Variants in TUBB8 observed in about 807,000 individuals in gnomAD.
TUBB8 encodes the protein tubulin beta 8 class VIII, also known as tubulin beta-8 chain.
A neutral mutation model predicts 33.7 loss-of-function variants in TUBB8; 25 were observed. That is an observed-to-expected ratio of 0.74 (90% CI 0.54 to 1.04). The LOEUF is 1.04. Among genes scored for constraint, TUBB8 ranks in the 50% least tolerant of loss-of-function variants. The probability of loss-of-function intolerance (pLI) is 0.00; values close to 1 mark genes in which losing one functional copy is unlikely to be tolerated. For synonymous variants in TUBB8, 245 were observed against 240.1 expected, an observed-to-expected ratio of 1.02 and a Z score of -0.19; for missense variants, 279 against 608.0, an observed-to-expected ratio of 0.46 and a Z score of 5.69.
intron 1 of TUBB8, among the ~76,000 whole-genome samples, chr10:59,011 G>C (rs1350595189): frequency 6.6e-6 from 1 of 152,106 alleles, no homozygotes; most frequent in African/African-American, 2.4e-5. Context: ...CCAGAGTTTA[G>C]AGGAAAGGCT....
At chr10:61,688 A>AT (rs1834603765) in intron 1 of TUBB8, among the ~76,000 whole-genome samples, 1 of 152,196 alleles carries the variant, frequency 6.6e-6, no homozygotes, top group African/African-American at 2.4e-5. Flanking sequence ...CCAATGACTA[A>AT]AGTAGGGTGT....
At chr10:65,553 T>C (rs1475326251) in intron 1 of TUBB8, among the ~76,000 whole-genome samples, 1 of 151,640 alleles carries the variant, frequency 6.6e-6, no homozygotes. Context: ...GGTGAAACCC[T>C]GTCTCTACTA....
intron 1 of TUBB8, among the ~76,000 whole-genome samples, chr10:72,897 C>T (rs35661986): frequency 0.062 from 9,381 of 151,376 alleles, 318 homozygotes; most frequent in Non-Finnish European, 0.081. Flanking sequence ...GAAAAGACAC[C>T]GCAGGGCCAT....
At chr10:53,318 G>C (rs1343830488), upstream of TUBB8, among the ~76,000 whole-genome samples, 3 of 152,078 alleles carry the variant, frequency 2.0e-5, no homozygotes, top group East Asian at 5.8e-4. Flanking sequence ...AGTAGAAATG[G>C]GGTTTCACTC....
At chr10:75,993 G>T (rs1159192373), upstream of TUBB8, among the ~76,000 whole-genome samples, 1 of 151,928 alleles carries the variant, frequency 6.6e-6, no homozygotes, top group Non-Finnish European at 1.5e-5. Context: ...GAAAAAATTA[G>T]CTGGGCGTGA....
intron 1 of TUBB8, among the ~76,000 whole-genome samples, chr10:69,865 T>C (rs192186000): frequency 0.03 from 3,400 of 114,700 alleles, no homozygotes; most frequent in African/African-American, 0.073. Flanking sequence ...GACTCCAGCC[T>C]GGGCAATCGG....
upstream of TUBB8, chr10:49,779 G>C: frequency 2.8e-6 from 1 of 352,786 alleles, no homozygotes; most frequent in Non-Finnish European, 5.6e-6. Context: ...AGACAGTCAG[G>C]CCTCTGATTT....
intron 1 of TUBB8, among the ~76,000 whole-genome samples, chr10:63,576 T>G (rs574955395): frequency 6.6e-6 from 1 of 152,370 alleles, no homozygotes; most frequent in East Asian, 1.9e-4. Flanking sequence ...TTTTTTTAAG[T>G]AACTCTGATG....
chr10:50,449 C>T (rs376993745), upstream of TUBB8, among the ~76,000 whole-genome samples: 1 of 152,186 alleles, frequency 6.6e-6, no homozygotes, highest in African/African-American at 2.4e-5. Flanking sequence ...CTGACCAGCA[C>T]GCCCACAAGC....
At chr10:48,765 G>A (rs748150538) in intron 2 of TUBB8, 39 bp downstream of exon 2, 10 of 1,607,454 alleles carry the variant, frequency 6.2e-6, no homozygotes, top group Admixed American at 5.0e-5. Context: ...GGAGGGCCGC[G>A]TTCCCAGGAG....
chr10:53,446 A>G (rs1371783825), upstream of TUBB8, among the ~76,000 whole-genome samples: 28 of 149,984 alleles, frequency 1.9e-4, no homozygotes, highest in South Asian at 4.2e-4. Context: ...GCTTTTAAAT[A>G]ATTCTGATTT....
chr10:61,826 C>T (rs782260532), intron 1 of TUBB8, among the ~76,000 whole-genome samples: 4 of 140,608 alleles, frequency 2.8e-5, no homozygotes, highest in Middle Eastern at 3.7e-3. Flanking sequence ...AAGAATTGAT[C>T]TCTTTATTAT....
At chr10:59,216 T>C (rs2130941923) in intron 1 of TUBB8, among the ~76,000 whole-genome samples, 1 of 152,308 alleles carries the variant, frequency 6.6e-6, no homozygotes, top group African/African-American at 2.4e-5. Context: ...TGAGATGAAG[T>C]CTTCCTCTGT....
chr10:72,554 T>C (rs1212290660), intron 1 of TUBB8, among the ~76,000 whole-genome samples: 3 of 150,576 alleles, frequency 2.0e-5, no homozygotes, highest in African/African-American at 7.3e-5. Flanking sequence ...TGAGACTCCA[T>C]GTCAAAAAAA....
At chr10:65,593 C>G (rs556412211) in intron 1 of TUBB8, among the ~76,000 whole-genome samples, 1 of 152,156 alleles carries the variant, frequency 6.6e-6, no homozygotes, top group East Asian at 1.9e-4. Context: ...GGCGTGGTGG[C>G]GGGAGCCTGT....
At chr10:51,037 T>C (rs139431376), upstream of TUBB8, among the ~76,000 whole-genome samples, 12,866 of 115,090 alleles carry the variant, frequency 0.11, no homozygotes, top group African/African-American at 0.23. Context: ...TCCCATATAT[T>C]GTGGGAGGGA....
intron 1 of TUBB8, among the ~76,000 whole-genome samples, chr10:69,199 C>G (rs1263590113): frequency 6.6e-6 from 1 of 152,228 alleles, no homozygotes; most frequent in Non-Finnish European, 1.5e-5. Context: ...TGACCATGAC[C>G]TCCACACACT....
upstream of TUBB8, chr10:49,314 G>T: frequency 5.4e-6 from 8 of 1,476,680 alleles, no homozygotes; most frequent in Non-Finnish European, 7.4e-6. Flanking sequence ...CCCGCCCTCC[G>T]CCAACGTTTA....
intron 1 of TUBB8, among the ~76,000 whole-genome samples, chr10:57,107 T>A (rs565067037): frequency 6.6e-6 from 1 of 152,330 alleles, no homozygotes; most frequent in African/African-American, 2.4e-5. Flanking sequence ...GGCTCTAAAA[T>A]AATTATTTTT....
Sources: gnomAD v4.1 joint callset for allele counts (sites outside exome capture counted in the v4.1 genomes callset) on GRCh38, gnomAD v4.1.1 for gene constraint, MANE v1.5 for transcripts, NCBI Gene and HGNC (gene_info 2026-07-23, HGNC 2026-07-21) for gene names.